Variants in COL2A1 observed in about 807,000 individuals in gnomAD.
The protein encoded by COL2A1 is collagen type II alpha 1 chain.
In COL2A1, 28 loss-of-function variants were observed where a neutral mutation model predicts 204.5. That is an observed-to-expected ratio of 0.14 (90% CI 0.10 to 0.19). The LOEUF is 0.19. Ranked by LOEUF, COL2A1 falls within the 10% of genes least tolerant of loss-of-function variation. COL2A1 has a pLI of 1.00. For synonymous variants in COL2A1, 708 were observed against 718.7 expected, an observed-to-expected ratio of 0.99 and a Z score of 0.24; for missense variants, 1,388 against 2,027.5, an observed-to-expected ratio of 0.68 and a Z score of 6.06.
In COL2A1 at chr12:47,999,971, G is replaced by T. The variant is rs751347416; in HGVS notation, c.240C>A (p.Ile80=). 3 of 1,614,198 alleles carry T rather than the reference G, an allele frequency of 1.9e-6. No individual in the cohort carries two copies. Among genetic ancestry groups the T allele is most frequent in the Non-Finnish European group, 2.5e-6 (3 of 1,180,028 alleles). Residue 80 remains isoleucine (I), a synonymous_variant, in exon 2 of 54, where the codon ATC becomes ATA. Transcript: ENST00000380518. ...EDVKDCLSPE[I]PFGECCPICP... ...AGATGGGGCAGCACTCTCCGAAGGGGATCTCAGGGCTGAGGCAGTCTTTCA... is the reference window on the plus strand; with the variant it reads ...AGATGGGGCAGCACTCTCCGAAGGGTATCTCAGGGCTGAGGCAGTCTTTCA...
intron 44 of COL2A1, 100 bp from the exon 45 acceptor site, chr12:47,977,753 G>T: frequency 1.5e-6 from 2 of 1,330,622 alleles, no homozygotes; most frequent in Non-Finnish European, 2.1e-6. Context: ...CTCCTCTTCT[G>T]CCCAACTCAC....
chr12:48,004,878 A>G (rs532646602), upstream of COL2A1, among the ~76,000 whole-genome samples: 2 of 152,302 alleles, frequency 1.3e-5, no homozygotes, highest in South Asian at 4.1e-4. Flanking sequence ...CAAGGACGGA[A>G]AAGACATGGG....
chr12:47,987,807 T>A lies in COL2A1; in HGVS notation c.1123-98A>T. 1.1e-6 allele frequency: 1 copy of A among 899,400 alleles called. No individual in the cohort carries two copies. The highest frequency in any genetic ancestry group is 1.8e-6 in the Non-Finnish European group (1 of 556,220). 55.7% of individuals were successfully genotyped at this position (899,400 alleles called of 1,614,324 possible). ...TCAGGGCCAGCTGCAAGCACAGCAC[T>A]AAATTATGCACATGCACCCAACCCT... On this transcript the variant is annotated intron_variant, in intron 18 of 53. Coordinates refer to ENST00000380518, the MANE Select transcript of COL2A1 (RefSeq NM_001844.5). This position sits in a 1 kb window ranked among gnomAD's most constrained non-coding sequence, Gnocchi z 4.1.
chr12:47,985,019 A>T lies in COL2A1; in HGVS notation c.1809T>A (p.Gly603=). The change falls in exon 27 of 54, where the codon GGT becomes GGA. Residue 603 remains glycine, a synonymous_variant. Transcript: ENST00000380518. ...CGTTGGCACCTTTGGGGCCAGGGAA[A>T]CCCATGACACCAGGCTGCCCACGAG... ...QGARGQPGVM[G]FPGPKGANGE... The T allele has an allele frequency of 6.2e-7, 1 of 1,613,948 alleles. No individual in the cohort carries two copies. Among genetic ancestry groups the T allele is most frequent in the Non-Finnish European group, 8.5e-7 (1 of 1,179,978 alleles).
chr12:47,995,352 A>G (rs1300898073), intron 10 of COL2A1, 44 bp from the exon 11 acceptor site: 2 of 1,522,684 alleles, frequency 1.3e-6, no homozygotes, highest in Non-Finnish European at 1.8e-6. Context: ...TATAGTGGGA[A>G]GACACCTAAG....
Position 47,975,443 on chromosome 12 carries a change from C to T in COL2A1, c.3760G>A (p.Glu1254Lys), listed in dbSNP as rs373684149. Residue 1254 changes from glutamate (E) to lysine (K), a missense_variant, in exon 51 of 54, where the codon GAG (glutamate) becomes AAG (lysine). Around this residue, in one of 3 missense-constraint regions of COL2A1, gnomAD observed 303 missense variants for 369.2 expected, o/e 0.82. Transcript: ENST00000380518. ...AGGGACTTGAGTGTGGCATCCACCT[C>T]GGCGTCATGCTGTCTCAGGCCACCG... ...AAGGLRQHDA[E>K]VDATLKSLNN... The T allele has an allele frequency of 2.3e-5, 37 of 1,614,016 alleles. No homozygotes were observed. The highest frequency in any genetic ancestry group is 1.3e-4 in the African/African-American group (10 of 74,908).
At chr12:47,981,923 C>A (rs1276326244) in intron 35 of COL2A1, 94 bp from the exon 36 acceptor site, 2 of 1,381,672 alleles carry the variant, frequency 1.4e-6, no homozygotes, top group Non-Finnish European at 2.0e-6. Flanking sequence ...GTGCTCCCAC[C>A]GCCTCCAGAG....
At chr12:47,986,086 C>T (rs1273871800) in intron 23 of COL2A1, 121 bp from the exon 24 acceptor site, 13 of 972,412 alleles carry the variant, frequency 1.3e-5, no homozygotes, top group Non-Finnish European at 1.9e-5. Flanking sequence ...CTGTGGCCTG[C>T]AGGATTCTCA....
chr12:47,987,133 C>T lies in COL2A1; in HGVS notation c.1310G>A (p.Arg437Gln), dbSNP rs991837088. ...TGCACCTTGAGGGCCAGGAGGGCCC[C>T]GTGGCCCAGGGAAGCCAGGAGCACC... Reference protein sequence around the residue: ...IAGAPGFPGPRGPPGPQGATG... With the variant: ...IAGAPGFPGPQGPPGPQGATG... The change falls in exon 21 of 54, where the codon CGG becomes CAG. Residue 437 changes from arginine (R) to glutamine (Q), a missense_variant. Physicochemically the swap from Arg to Gln is conservative, Grantham distance 43. This residue lies in a region of COL2A1 where 884 missense variants were observed against 1,415.8 expected (regional missense o/e 0.62). Transcript: ENST00000380518. This position sits in a 1 kb window ranked among gnomAD's most constrained non-coding sequence, Gnocchi z 4.1. The T allele has an allele frequency of 6.2e-6, 10 of 1,614,104 alleles. No homozygotes were observed. The highest frequency in any genetic ancestry group is 1.3e-5 in the African/African-American group (1 of 75,022).
rs528453655 is a variant in COL2A1, at chr12:47,979,181, G to A, written c.2733+330C>T. Among the ~76,000 whole-genome samples, 369 of 152,164 alleles carry A rather than the reference G, an allele frequency of 2.4e-3. 2 individuals are homozygous for A. Among genetic ancestry groups the A allele is most frequent in the African/African-American group, 8.5e-3 (353 of 41,508 alleles). ...CCCTCCATGCAAACTCCCTGAGAGC[G>A]ACCCAGGACATGCGGACTTGCTTTA... On this transcript the variant is annotated intron_variant, in intron 41 of 53. Coordinates refer to ENST00000380518, the MANE Select transcript of COL2A1 (RefSeq NM_001844.5).
Position 47,997,670 on chromosome 12 carries a change from C to T in COL2A1, c.467G>A (p.Gly156Glu). The change falls in exon 7 of 54, where the codon GGG becomes GAG. Residue 156 changes from glycine (G) to glutamate (E), a missense_variant. Physicochemically the swap from Gly to Glu is moderately conservative, Grantham distance 98. Coordinates refer to ENST00000380518, the MANE Select transcript of COL2A1 (RefSeq NM_001844.5). ...AGGGGGGCCAGGATTTCCAGGGGTC[C>T]CAGGTTCTCCATCTCTGCCACGAGG... Reference protein sequence around the residue: ...PGPRGRDGEPGTPGNPGPPGP... With the variant: ...PGPRGRDGEPETPGNPGPPGP... 6.2e-7 allele frequency: 1 copy of T among 1,613,988 alleles called. No individual in the cohort carries two copies. Among genetic ancestry groups the T allele is most frequent in the South Asian group, 1.1e-5 (1 of 91,076 alleles).
chr12:47,995,107 G>A, intron 11 of COL2A1, 148 bp downstream of exon 11: 1 of 709,590 alleles, frequency 1.4e-6, no homozygotes, highest in Non-Finnish European at 2.6e-6. Context: ...CATATAGATA[G>A]GAGATGGCGT....
chr12:47,998,415 C>G lies in COL2A1; in HGVS notation c.309G>C (p.Lys103Asn). 1 of 1,608,886 alleles carries G rather than the reference C, an allele frequency of 6.2e-7. No homozygotes were observed. The highest frequency in any genetic ancestry group is 2.2e-5 in the East Asian group (1 of 44,854). The change falls in exon 3 of 54, where the codon AAG becomes AAC. Residue 103 changes from lysine (K) to asparagine (N), a missense_variant and splice_region_variant. Around this residue, in one of 3 missense-constraint regions of COL2A1, gnomAD observed 201 missense variants for 242.4 expected, o/e 0.83. Coordinates refer to ENST00000380518, the MANE Select transcript of COL2A1 (RefSeq NM_001844.5). Reference sequence around the variant, plus strand: ...AAAAGAAAAAGAAGAAAGCCCTTACCTTTGGTCCTGGTTGCCCTGCAAGGG... The same window carrying G: ...AAAAGAAAAAGAAGAAAGCCCTTACGTTTGGTCCTGGTTGCCCTGCAAGGG... The part of the protein sequence containing the change: ...LATASGQPGP[K>N]GQKGEPGDIK...
At position 47,987,600 on chromosome 12, in the gene COL2A1, G is replaced by A; in HGVS notation, c.1221+11C>T. 1 of 1,607,252 alleles carries A rather than the reference G, an allele frequency of 6.2e-7. No individual in the cohort carries two copies. Among genetic ancestry groups the A allele is most frequent in the Non-Finnish European group, 8.5e-7 (1 of 1,175,680 alleles). ...CCAGACCCCCCCAGGCCAAAGAGAA[G>A]CTGCACTTACGGAGGCACCAGCAGG... On this transcript the variant is annotated intron_variant, in intron 19 of 53. Transcript: ENST00000380518. This position sits in a 1 kb window ranked among gnomAD's most constrained non-coding sequence, Gnocchi z 4.1.
chr12:47,983,614 C>T (rs1229447404), intron 30 of COL2A1, 69 bp downstream of exon 30: 2 of 1,535,400 alleles, frequency 1.3e-6, no homozygotes, highest in African/African-American at 2.7e-5. Context: ...ACCGATAGTG[C>T]CTGCTGCTGT....
intron 16 of COL2A1, among the ~76,000 whole-genome samples, chr12:47,991,218 C>G (rs1939687160): frequency 6.6e-6 from 1 of 152,180 alleles, no homozygotes; most frequent in South Asian, 2.1e-4. Flanking sequence ...CAGGAGGGCC[C>G]AGCCTGGGCC....
chr12:47,992,175 C>T (rs770714058), intron 16 of COL2A1, among the ~76,000 whole-genome samples: 5 of 152,158 alleles, frequency 3.3e-5, no homozygotes, highest in East Asian at 1.9e-4. Flanking sequence ...CAGAGCTAAA[C>T]GCCTCTGTCT....
At chr12:47,992,983 G>A (rs1347277971) in intron 15 of COL2A1, 52 bp from the exon 16 acceptor site, 1 of 1,574,400 alleles carries the variant, frequency 6.4e-7, no homozygotes, top group African/African-American at 1.3e-5. Context: ...ACGGTGCTCA[G>A]GGTGACCATT....
chr12:47,987,202 G>T lies in COL2A1; in HGVS notation c.1267-26C>A, dbSNP rs1378655228. 9.9e-6 allele frequency: 16 copies of T among 1,613,302 alleles called. No individual in the cohort carries two copies. The highest frequency in any genetic ancestry group is 2.2e-5 in the South Asian group (2 of 91,078). On this transcript the variant is annotated intron_variant, in intron 20 of 53. Coordinates refer to ENST00000380518, the MANE Select transcript of COL2A1 (RefSeq NM_001844.5). The surrounding 1 kb of genome is among the most constrained non-coding windows in gnomAD (Gnocchi z 4.1). Reference sequence around the variant, plus strand: ...CTGTGGGCATGAGAAGAAGGGAGGGGTGTCAGGAGAGGGGAGAGGCAGGAC... The same window carrying T: ...CTGTGGGCATGAGAAGAAGGGAGGGTTGTCAGGAGAGGGGAGAGGCAGGAC...
Sources: gnomAD v4.1 joint callset for allele counts (sites outside exome capture counted in the v4.1 genomes callset) on GRCh38, gnomAD v4.1.1 for gene constraint, gnomAD v4.1.1 regional missense constraint, Gnocchi (gnomAD v3.1) non-coding constraint, MANE v1.5 for transcripts, NCBI Gene and HGNC (gene_info 2026-07-23, HGNC 2026-07-21) for gene names.